Variants in CTBP2 observed in about 807,000 individuals in gnomAD.
The protein encoded by CTBP2 is C-terminal binding protein 2.
A neutral mutation model predicts 80.3 loss-of-function variants in CTBP2; 30 were observed. The ratio of observed to expected loss-of-function variants is 0.37; its 90% CI spans 0.28 to 0.51. The LOEUF (loss-of-function observed/expected upper bound fraction) is 0.51. Ranked by LOEUF, CTBP2 falls within the 20% of genes least tolerant of loss-of-function variation. The probability of loss-of-function intolerance (pLI) is 0.93; values close to 1 mark genes in which losing one functional copy is unlikely to be tolerated. For missense variants in CTBP2, 1,212 were observed against 1,375.3 expected (o/e 0.88, Z 1.88); for synonymous variants, 594 against 587.4 (o/e 1.01, Z -0.16).
chr10:125,062,030 C>G (rs553648775), intron 2 of CTBP2, among the ~76,000 whole-genome samples: 4 of 152,218 alleles, frequency 2.6e-5, no homozygotes, highest in Non-Finnish European at 4.4e-5. Context: ...CGTCCACGCC[C>G]TGAGTTTGTG....
chr10:125,041,750 G>A (rs1959893533), intron 2 of CTBP2, among the ~76,000 whole-genome samples: 2 of 152,172 alleles, frequency 1.3e-5, no homozygotes, highest in African/African-American at 2.4e-5. Context: ...GAGGCAAGGG[G>A]GGTTTCACAC....
chr10:125,026,466 G>A lies in CTBP2; in HGVS notation c.1294C>T (p.His432Tyr). 6.2e-7 allele frequency: 1 copy of A among 1,600,016 alleles called. No individual in the cohort carries two copies. The highest frequency in any genetic ancestry group is 1.1e-5 in the South Asian group (1 of 90,156). Residue 432 changes from histidine to tyrosine, a missense_variant, in exon 1 of 9, where the codon CAC becomes TAC. Physicochemically the swap from His to Tyr is moderately conservative, Grantham distance 83 (BLOSUM62 2). Coordinates refer to ENST00000309035, the MANE Select transcript of CTBP2 (RefSeq NM_022802.3). Reference sequence around the variant, plus strand: ...CTGTACCCGGAGTTGGAGGGGAAGTGTGGGGCATGGGTGCCCACGCCAGGG... The same window carrying A: ...CTGTACCCGGAGTTGGAGGGGAAGTATGGGGCATGGGTGCCCACGCCAGGG...
Position 125,066,909 on chromosome 10 carries a change from C to A in CTBP2, c.-101-27754G>T, listed in dbSNP as rs989563173. Among the ~76,000 whole-genome samples, 4 of 152,162 alleles carry A rather than the reference C, an allele frequency of 2.6e-5. No individual in the cohort carries two copies. Among genetic ancestry groups the A allele is most frequent in the African/African-American group, 9.7e-5 (4 of 41,432 alleles). The stretch of plus-strand genomic sequence containing the variant: ...CTTCCTATCTCCCCTGGGCAGTCTT[C>A]CCAGCTCCATGGAAAAGTCTTTGGT... On this transcript the variant is annotated intron_variant, in intron 2 of 10. Coordinates refer to the CTBP2 transcript ENST00000337195. This position sits in a 1 kb window ranked among gnomAD's most constrained non-coding sequence, Gnocchi z 4.1.
chr10:125,002,074 A>G (rs925072673), intron 3 of CTBP2, among the ~76,000 whole-genome samples: 9 of 152,212 alleles, frequency 5.9e-5, no homozygotes, highest in Non-Finnish European at 1.3e-4. Flanking sequence ...CTATTCCTGG[A>G]GCACAGGAAG....
chr10:125,141,698 C>T (rs1857850481), intron 1 of CTBP2, among the ~76,000 whole-genome samples: 1 of 152,106 alleles, frequency 6.6e-6, no homozygotes, highest in Admixed American at 6.6e-5. Flanking sequence ...ACAGTAAGCA[C>T]ACGGTAAACA....
chr10:124,985,251 TAAA>T lies in CTBP2; in HGVS notation c.*4264_*4266del, dbSNP rs1952007359. ...CAGAACTTTTTTTCCTTCCAAATTG[TAAA>T]TCTGTCTATAAATGTAACGCATGTG... On this transcript the variant is annotated 3_prime_UTR_variant, in exon 9 of 9. Transcript: ENST00000309035. 2.6e-6 allele frequency: 1 copy of T among 391,114 alleles called. No homozygotes were observed. Among genetic ancestry groups the T allele is most frequent in the African/African-American group, 2.0e-5 (1 of 49,110 alleles). The allele number at this position is 391,114 out of a possible 1,614,324, so 24.2% of individuals were successfully genotyped here.
chr10:125,044,196 C>T (rs999208116), intron 2 of CTBP2, among the ~76,000 whole-genome samples: 4 of 152,188 alleles, frequency 2.6e-5, no homozygotes, highest in Admixed American at 6.5e-5. Context: ...CTTCCTTCAC[C>T]GCAGCCTACA....
upstream of CTBP2, among the ~76,000 whole-genome samples, chr10:125,031,139 G>A (rs1958142306): frequency 6.6e-6 from 1 of 152,138 alleles, no homozygotes; most frequent in Non-Finnish European, 1.5e-5. Flanking sequence ...GACAGCCTGT[G>A]CTGGATTTTT....
At chr10:125,068,883 G>A (rs542320491) in intron 2 of CTBP2, among the ~76,000 whole-genome samples, 2 of 152,292 alleles carry the variant, frequency 1.3e-5, no homozygotes, top group African/African-American at 2.4e-5. Flanking sequence ...TGCTGTCTCC[G>A]AGGCCCCACT....
intron 2 of CTBP2, among the ~76,000 whole-genome samples, chr10:125,090,168 A>T (rs573797260): frequency 3.3e-5 from 5 of 151,896 alleles, no homozygotes; most frequent in African/African-American, 1.2e-4. Context: ...TAATAGAGGG[A>T]TAGGGGCCAG....
At chr10:125,120,953 T>C (rs892935335) in intron 1 of CTBP2, among the ~76,000 whole-genome samples, 6 of 152,222 alleles carry the variant, frequency 3.9e-5, no homozygotes, top group African/African-American at 1.2e-4. Flanking sequence ...CTCTCTCACA[T>C]TGCCTTCCCC....
chr10:125,158,119 C>T (rs1861257089), intron 1 of CTBP2, among the ~76,000 whole-genome samples: 1 of 151,642 alleles, frequency 6.6e-6, no homozygotes, highest in Non-Finnish European at 1.5e-5. Context: ...AAACAAGATC[C>T]TTTAAAGTCT....
At chr10:125,038,382 T>A (rs2134967490) in intron 3 of CTBP2, among the ~76,000 whole-genome samples, 1 of 152,034 alleles carries the variant, frequency 6.6e-6, no homozygotes, top group South Asian at 2.1e-4. Context: ...ATCTGGCAGG[T>A]GCACTCACCC....
chr10:125,082,808 C>G (rs1040790204), intron 2 of CTBP2, among the ~76,000 whole-genome samples: 1 of 152,104 alleles, frequency 6.6e-6, no homozygotes, highest in South Asian at 2.1e-4. Context: ...AGGGTGGTCT[C>G]GAATGCCAGA....
At chr10:125,009,219 C>T (rs1323711469) in intron 1 of CTBP2, among the ~76,000 whole-genome samples, 1 of 152,210 alleles carries the variant, frequency 6.6e-6, no homozygotes, top group Non-Finnish European at 1.5e-5. Flanking sequence ...TGTTCAAGTG[C>T]TATTTCTTTA....
intron 1 of CTBP2, among the ~76,000 whole-genome samples, chr10:125,139,247 C>T (rs987476959): frequency 2.0e-5 from 3 of 151,592 alleles, no homozygotes; most frequent in African/African-American, 4.8e-5. Flanking sequence ...GGCGCACACC[C>T]GTAATCCCAG....
intron 1 of CTBP2, among the ~76,000 whole-genome samples, chr10:125,020,784 G>A (rs1024242563): frequency 6.6e-5 from 10 of 152,192 alleles, no homozygotes; most frequent in Admixed American, 1.3e-4. Context: ...AAGCATCCAC[G>A]TTACTCTCTG....
At chr10:125,016,297 C>A (rs1956478992) in intron 1 of CTBP2, among the ~76,000 whole-genome samples, 1 of 152,204 alleles carries the variant, frequency 6.6e-6, no homozygotes, top group South Asian at 2.1e-4. Flanking sequence ...CCAGGGGCCA[C>A]CACTGAGTCA....
chr10:125,051,273 G>A (rs1032621481), intron 2 of CTBP2, among the ~76,000 whole-genome samples: 4 of 152,192 alleles, frequency 2.6e-5, no homozygotes, highest in Non-Finnish European at 5.9e-5. Flanking sequence ...CACTCCTCAT[G>A]TACTTCCTGC....
Sources: allele counts gnomAD v4.1 joint callset (sites outside exome capture counted in the v4.1 genomes callset), GRCh38; gene constraint gnomAD v4.1.1; non-coding constraint Gnocchi (gnomAD v3.1); transcripts MANE v1.5; gene names NCBI Gene and HGNC (gene_info 2026-07-23, HGNC 2026-07-21).